COL23A1: variants seen among roughly 807,000 people sequenced by gnomAD.
The protein encoded by COL23A1 is collagen type XXIII alpha 1 chain.
A neutral mutation model predicts 99.3 loss-of-function variants in COL23A1; 97 were observed. The ratio of observed to expected loss-of-function variants is 0.98; its 90% confidence interval spans 0.83 to 1.16. COL23A1 has a LOEUF of 1.16. COL23A1 is among the 50% of genes most tolerant of loss of function. The probability of loss-of-function intolerance (pLI) is 0.00; values close to 1 mark genes in which losing one functional copy is unlikely to be tolerated. For missense variants in COL23A1, 762 were observed against 757.4 expected (o/e 1.01, Z -0.07); for synonymous variants, 320 against 308.2 (o/e 1.04, Z -0.40).
chr5:178,541,843 C>T (rs1037304168), intron 2 of COL23A1, among the ~76,000 whole-genome samples: 4 of 152,166 alleles, frequency 2.6e-5, no homozygotes, highest in East Asian at 1.9e-4. Context: ...ATCCATACCA[C>T]GTGCTTCTAT....
At chr5:178,411,379 T>C (rs1052343651) in intron 2 of COL23A1, among the ~76,000 whole-genome samples, 1 of 151,794 alleles carries the variant, frequency 6.6e-6, no homozygotes, top group Non-Finnish European at 1.5e-5. Flanking sequence ...TAGCCAAAGG[T>C]GAAAACAACC....
chr5:178,371,663 G>A (rs1313483003), intron 2 of COL23A1, among the ~76,000 whole-genome samples: 1 of 152,164 alleles, frequency 6.6e-6, no homozygotes, highest in African/African-American at 2.4e-5. Flanking sequence ...CCTGGGGATT[G>A]CACAGTTCTC....
At chr5:178,257,068 G>A (rs1235624643) in intron 13 of COL23A1, 140 bp from the exon 14 acceptor site, 1 of 731,944 alleles carries the variant, frequency 1.4e-6, no homozygotes, top group Non-Finnish European at 2.3e-6. Context: ...TGGGGGGTGT[G>A]GGCGGATGGA....
At chr5:178,288,841 C>T (rs917740787) in intron 4 of COL23A1, among the ~76,000 whole-genome samples, 1 of 152,202 alleles carries the variant, frequency 6.6e-6, no homozygotes, top group Non-Finnish European at 1.5e-5. Context: ...CCCCTAGTTC[C>T]AGACCCTGGA....
intron 2 of COL23A1, among the ~76,000 whole-genome samples, chr5:178,536,232 G>C (rs1390710159): frequency 6.6e-6 from 1 of 152,248 alleles, no homozygotes; most frequent in Non-Finnish European, 1.5e-5. Context: ...TGCTCGGGGA[G>C]TGTGGCTTCC....
At chr5:178,355,128 C>T (rs1003105805) in intron 2 of COL23A1, among the ~76,000 whole-genome samples, 2 of 151,650 alleles carry the variant, frequency 1.3e-5, no homozygotes, top group African/African-American at 4.9e-5. Flanking sequence ...TCATATTAGG[C>T]ATTATAAGTA....
chr5:178,447,556 C>G (rs1344059433), intron 2 of COL23A1, among the ~76,000 whole-genome samples: 1 of 152,160 alleles, frequency 6.6e-6, no homozygotes, highest in Admixed American at 6.5e-5. Flanking sequence ...AGTACAGTAA[C>G]ATACTGTTAA....
chr5:178,246,549 A>G, intron 22 of COL23A1, 96 bp from the exon 23 acceptor site: 1 of 1,272,778 alleles, frequency 7.9e-7, no homozygotes, highest in East Asian at 2.5e-5. Flanking sequence ...GGATGTGGAC[A>G]GAGGAACAGA....
At chr5:178,537,368 C>G (rs973497485) in intron 2 of COL23A1, among the ~76,000 whole-genome samples, 3 of 152,208 alleles carry the variant, frequency 2.0e-5, no homozygotes, top group Admixed American at 2.0e-4. Context: ...AGTCAGAAAC[C>G]ACTGGCCTCA....
intron 2 of COL23A1, among the ~76,000 whole-genome samples, chr5:178,527,247 G>A (rs1314535380): frequency 6.6e-6 from 1 of 152,192 alleles, no homozygotes; most frequent in Admixed American, 6.5e-5. Flanking sequence ...ACCTGGGGCT[G>A]GTCTGAGCTG....
intron 2 of COL23A1, among the ~76,000 whole-genome samples, chr5:178,447,582 G>T (rs1182355606): frequency 6.6e-6 from 1 of 152,162 alleles, no homozygotes; most frequent in African/African-American, 2.4e-5. Context: ...GTAGCCTGGG[G>T]CAACAGGCTG....
At chr5:178,253,122 CA>C (rs149479760) in intron 16 of COL23A1, among the ~76,000 whole-genome samples, 6,444 of 152,206 alleles carry the variant, frequency 0.042, 188 homozygotes, top group Middle Eastern at 0.11. Context: ...GGTCCGACCC[CA>C]CTCTCAAGCT....
intron 25 of COL23A1, among the ~76,000 whole-genome samples, chr5:178,244,397 C>G (rs1019934173): frequency 2.0e-5 from 3 of 152,182 alleles, no homozygotes; most frequent in Non-Finnish European, 4.4e-5. Flanking sequence ...GAACAACCTC[C>G]TTCTCATAAC....
intron 2 of COL23A1, among the ~76,000 whole-genome samples, chr5:178,451,499 T>C (rs1767483010): frequency 1.3e-5 from 2 of 151,740 alleles, no homozygotes; most frequent in African/African-American, 4.8e-5. Context: ...CTATTAAAAA[T>C]ATAAAAATTA....
intron 2 of COL23A1, among the ~76,000 whole-genome samples, chr5:178,549,004 C>CTT: frequency 6.6e-6 from 1 of 151,170 alleles, no homozygotes; most frequent in South Asian, 2.1e-4. Context: ...ACAAATACTT[C>CTT]TTTTTTTTTG....
chr5:178,505,648 A>T (rs138123745), intron 2 of COL23A1, among the ~76,000 whole-genome samples: 187 of 152,292 alleles, frequency 1.2e-3, no homozygotes, highest in Admixed American at 4.0e-3. Context: ...CTCTATTTCC[A>T]AATAAGGTCA....
chr5:178,274,330 T>C (rs1756462253), intron 5 of COL23A1, among the ~76,000 whole-genome samples: 2 of 152,170 alleles, frequency 1.3e-5, no homozygotes. Context: ...TGGCTCTGGG[T>C]GCTCTTGAGA....
At chr5:178,398,520 G>A (rs1219094955) in intron 2 of COL23A1, among the ~76,000 whole-genome samples, 1 of 151,992 alleles carries the variant, frequency 6.6e-6, no homozygotes, top group Non-Finnish European at 1.5e-5. Context: ...CCAGCTACTT[G>A]GGAGGCTAAG....
intron 1 of COL23A1, among the ~76,000 whole-genome samples, chr5:178,570,117 T>TC (rs1434199657): frequency 6.6e-6 from 1 of 151,100 alleles, no homozygotes; most frequent in African/African-American, 2.4e-5. Context: ...TTTTTCTTTT[T>TC]TTTTTTTTCC....
Sources: gnomAD v4.1 joint callset for allele counts (sites outside exome capture counted in the v4.1 genomes callset) on GRCh38, gnomAD v4.1.1 for gene constraint, MANE v1.5 for transcripts, NCBI Gene and HGNC (gene_info 2026-07-23, HGNC 2026-07-21) for gene names.